The following RRAS2 variants were observed in gnomAD, a reference collection of about 807,000 sequenced individuals.
The protein encoded by RRAS2 is RAS related 2.
In RRAS2, 7 loss-of-function variants were observed where a neutral mutation model predicts 27.6. The ratio of observed to expected loss-of-function variants is 0.25; its 90% CI spans 0.14 to 0.48. The LOEUF is 0.48. Among genes scored for constraint, RRAS2 ranks in the 20% least tolerant of loss-of-function variants. The pLI is 0.99. For synonymous variants in RRAS2, 86 were observed against 90.9 expected, an observed-to-expected ratio of 0.95 and a Z score of 0.31; for missense variants, 178 against 256.2, an observed-to-expected ratio of 0.69 and a Z score of 2.08.
At chr11:14,352,752 T>TATATAGAG in intron 1 of RRAS2, among the ~76,000 whole-genome samples, 1 of 127,196 alleles carries the variant, frequency 7.9e-6, no homozygotes, top group African/African-American at 2.9e-5. Flanking sequence ...AAAATATATA[T>TATATAGAG]ATATAGAGAG....
At chr11:14,357,435 T>A (rs1328251534) in intron 1 of RRAS2, among the ~76,000 whole-genome samples, 1 of 152,234 alleles carries the variant, frequency 6.6e-6, no homozygotes, top group East Asian at 1.9e-4. Context: ...TTCTGTAGCC[T>A]GCTAAACTTA....
chr11:14,286,883 CA>C (rs1849674071), intron 4 of RRAS2, among the ~76,000 whole-genome samples: 1 of 152,208 alleles, frequency 6.6e-6, no homozygotes, highest in Non-Finnish European at 1.5e-5. Context: ...GCCGAGTAAA[CA>C]CAGAAAGCTT....
intron 4 of RRAS2, among the ~76,000 whole-genome samples, chr11:14,289,009 A>G (rs782565679): frequency 6.6e-6 from 1 of 152,200 alleles, no homozygotes; most frequent in East Asian, 1.9e-4. Flanking sequence ...AACAAAATTG[A>G]CCTGTCAAAA....
chr11:14,324,767 G>A lies in RRAS2; in HGVS notation c.109-28912C>T, dbSNP rs1040545548. On this transcript the variant is annotated intron_variant, in intron 1 of 5. Coordinates refer to ENST00000256196, the MANE Select transcript of RRAS2 (RefSeq NM_012250.6). ...CAGGGAAACTTATCCTACCCTCTAC[G>A]AAATTTAGAATGGAAATGACACAAG... 3.9e-5 allele frequency among the ~76,000 whole-genome samples: 6 copies of A among 151,974 alleles called. 1 individual carries two copies. The East Asian group carries it at 5.8e-4, about 15-fold the overall frequency.
intron 1 of RRAS2, among the ~76,000 whole-genome samples, chr11:14,342,703 T>C (rs1260745763): frequency 1.3e-5 from 2 of 152,228 alleles, no homozygotes; most frequent in Non-Finnish European, 2.9e-5. Context: ...TCAAGGTTAA[T>C]ATTAAGAAAA....
upstream of RRAS2, among the ~76,000 whole-genome samples, chr11:14,359,634 G>T (rs1849161910): frequency 6.6e-6 from 1 of 152,190 alleles, no homozygotes; most frequent in Non-Finnish European, 1.5e-5. Context: ...GTGAAGAATG[G>T]GACAGTGGCT....
At chr11:14,327,060 CA>C (rs201334157) in intron 1 of RRAS2, among the ~76,000 whole-genome samples, 694 of 39,642 alleles carry the variant, frequency 0.018, 45 homozygotes, top group African/African-American at 0.045. Context: ...GACTCTGTCT[CA>C]AAAAAAAAAA....
chr11:14,347,702 G>A (rs1290442977), intron 1 of RRAS2, among the ~76,000 whole-genome samples: 1 of 152,014 alleles, frequency 6.6e-6, no homozygotes, highest in Non-Finnish European at 1.5e-5. Flanking sequence ...TGTAGTGCCC[G>A]CGCTTTGGCA....
intron 4 of RRAS2, among the ~76,000 whole-genome samples, chr11:14,285,247 G>C (rs2133947991): frequency 6.6e-6 from 1 of 152,188 alleles, no homozygotes; most frequent in Admixed American, 6.5e-5. Flanking sequence ...TTCAAGTATG[G>C]TTTAAGAATC....
At chr11:14,280,456 C>T (rs782737552) in intron 5 of RRAS2, among the ~76,000 whole-genome samples, 1 of 151,962 alleles carries the variant, frequency 6.6e-6, no homozygotes, top group Non-Finnish European at 1.5e-5. Flanking sequence ...AGCCCAGGTG[C>T]GGTGGCTCAC....
intron 1 of RRAS2, among the ~76,000 whole-genome samples, chr11:14,352,022 G>T (rs1163990869): frequency 6.6e-6 from 1 of 152,068 alleles, no homozygotes; most frequent in African/African-American, 2.4e-5. Context: ...ACCATATATT[G>T]CAGGGAATAA....
At chr11:14,288,193 G>C (rs1057507689) in intron 4 of RRAS2, among the ~76,000 whole-genome samples, 1 of 152,114 alleles carries the variant, frequency 6.6e-6, no homozygotes, top group African/African-American at 2.4e-5. Flanking sequence ...TGTCCAGGCT[G>C]GTCTTGAACT....
chr11:14,342,700 T>A (rs1554953426), intron 1 of RRAS2, among the ~76,000 whole-genome samples: 2 of 152,182 alleles, frequency 1.3e-5, no homozygotes, highest in African/African-American at 4.8e-5. Flanking sequence ...AACTCAAGGT[T>A]AATATTAAGA....
chr11:14,285,625 C>T (rs1047659020), intron 4 of RRAS2, among the ~76,000 whole-genome samples: 15 of 152,162 alleles, frequency 9.9e-5, no homozygotes, highest in South Asian at 4.1e-4. Context: ...AGATCTGCTG[C>T]GGATGAATTA....
chr11:14,286,331 C>T (rs1254997226), intron 4 of RRAS2, among the ~76,000 whole-genome samples: 1 of 152,140 alleles, frequency 6.6e-6, no homozygotes, highest in Admixed American at 6.5e-5. Flanking sequence ...AAACACATTC[C>T]TGAGCTTTCT....
At chr11:14,287,537 C>A (rs1662278784) in intron 4 of RRAS2, among the ~76,000 whole-genome samples, 1 of 152,036 alleles carries the variant, frequency 6.6e-6, no homozygotes, top group Non-Finnish European at 1.5e-5. Context: ...TAATGTAATT[C>A]ACATAAACAG....
upstream of RRAS2, among the ~76,000 whole-genome samples, chr11:14,363,010 G>A (rs1224149866): frequency 6.6e-6 from 1 of 152,210 alleles, no homozygotes; most frequent in Non-Finnish European, 1.5e-5. Flanking sequence ...CAAATTTTTT[G>A]TGTAAATTTT....
intron 4 of RRAS2, among the ~76,000 whole-genome samples, chr11:14,284,409 T>G (rs1334226987): frequency 2.6e-5 from 4 of 152,196 alleles, no homozygotes; most frequent in Non-Finnish European, 5.9e-5. Context: ...CTAAAATCCT[T>G]TTAAATTTAT....
chr11:14,298,758 A>G (rs1847624586), intron 1 of RRAS2, among the ~76,000 whole-genome samples: 1 of 146,248 alleles, frequency 6.8e-6, no homozygotes, highest in Non-Finnish European at 1.5e-5. Context: ...ACGAAACATC[A>G]CTCTGGGAAC....
Sources: gnomAD v4.1 joint callset for allele counts (sites outside exome capture counted in the v4.1 genomes callset) on GRCh38, gnomAD v4.1.1 for gene constraint, MANE v1.5 for transcripts, NCBI Gene and HGNC (gene_info 2026-07-23, HGNC 2026-07-21) for gene names.